Variants in ESCO1 observed in about 807,000 individuals in gnomAD.
ESCO1 encodes N-acetyltransferase ESCO1.
A neutral mutation model predicts 83.5 loss-of-function variants in ESCO1; 33 were observed. The observed-to-expected ratio is 0.40, with a 90% CI of 0.30 to 0.53. The LOEUF (loss-of-function observed/expected upper bound fraction) is 0.53, where lower values mean the gene tolerates loss of function less well. ESCO1 is among the 20% of genes least tolerant of loss of function. The probability of loss-of-function intolerance (pLI) is 0.63; values close to 1 mark genes in which losing one functional copy is unlikely to be tolerated. For missense variants in ESCO1, 855 were observed against 968.0 expected (o/e 0.88, Z 1.55); for synonymous variants, 332 against 324.3 (o/e 1.02, Z -0.25).
At chr18:21,588,099 C>CA (rs200101799) in intron 1 of ESCO1, among the ~76,000 whole-genome samples, 1,277 of 82,416 alleles carry the variant, frequency 0.015, 12 homozygotes, top group African/African-American at 0.051. Context: ...GGATCCATCT[C>CA]AAAAAAAAAA....
chr18:21,530,157 T>C lies in ESCO1; in HGVS notation c.*186A>G. 1 of 419,386 alleles carries C rather than the reference T, an allele frequency of 2.4e-6. No individual in the cohort carries two copies. The allele number at this position is 419,386 out of a possible 1,614,324, so 26.0% of individuals were successfully genotyped here. The stretch of plus-strand genomic sequence containing the variant: ...TTCTGTAAAAGATAATAAAATATCT[T>C]CTTTAAAAAACAAAACAATAAGCTA... On this transcript the variant is annotated 3_prime_UTR_variant, in exon 12 of 12. Coordinates refer to ENST00000269214, the MANE Select transcript of ESCO1 (RefSeq NM_052911.3).
In ESCO1 at chr18:21,574,098, G is replaced by C; in HGVS notation, c.746C>G (p.Ser249Ter). 6.2e-7 allele frequency: 1 copy of C among 1,612,954 alleles called. No homozygotes were observed. The highest frequency in any genetic ancestry group is 8.5e-7 in the Non-Finnish European group (1 of 1,179,966). The change falls in exon 4 of 12, where the codon TCA (serine) becomes TGA (stop). Residue 249 changes from serine (S) to a stop codon, truncating the protein, a stop_gained. Transcript: ENST00000269214. LOFTEE classifies it high-confidence loss of function. ...CGGGACCACTGAAGTAGCCATTTTT[G>C]ATCTTTTCACCTCAGAAGTTACAGG... ...PVPVTSEVKR[S>*]KMATSVVPKK...
chr18:21,543,067 T>A (rs2037927122), intron 8 of ESCO1, among the ~76,000 whole-genome samples: 1 of 152,256 alleles, frequency 6.6e-6, no homozygotes, highest in African/African-American at 2.4e-5. Context: ...AAACCCATTT[T>A]TTCTTACTTC....
At chr18:21,565,903 C>G (rs757108345) in intron 6 of ESCO1, among the ~76,000 whole-genome samples, 7 of 151,892 alleles carry the variant, frequency 4.6e-5, no homozygotes, top group Non-Finnish European at 4.4e-5. Flanking sequence ...TGCACTCCAG[C>G]CTGGGTAAGT....
chr18:21,546,418 G>C (rs2037974478), intron 8 of ESCO1, among the ~76,000 whole-genome samples: 1 of 151,712 alleles, frequency 6.6e-6, no homozygotes, highest in African/African-American at 2.4e-5. Context: ...AAAAACAACA[G>C]AAAACGACTG....
intron 2 of ESCO1, among the ~76,000 whole-genome samples, chr18:21,583,669 T>C (rs1404646733): frequency 6.6e-6 from 1 of 151,644 alleles, no homozygotes; most frequent in Admixed American, 6.6e-5. Context: ...AAAGACATTC[T>C]AGAGAAAGCA....
At chr18:21,594,498 G>A (rs1016561143) in intron 1 of ESCO1, among the ~76,000 whole-genome samples, 4 of 152,162 alleles carry the variant, frequency 2.6e-5, no homozygotes, top group Non-Finnish European at 1.5e-5. Context: ...GAGGTCAGGA[G>A]TTCGAGACCA....
chr18:21,591,642 C>T (rs909759694), intron 1 of ESCO1, among the ~76,000 whole-genome samples: 1 of 150,308 alleles, frequency 6.7e-6, no homozygotes, highest in Non-Finnish European at 1.5e-5. Flanking sequence ...CCAAAGTTCA[C>T]ATGGATCACC....
intron 8 of ESCO1, among the ~76,000 whole-genome samples, chr18:21,549,039 T>C (rs2038011655): frequency 6.6e-6 from 1 of 152,176 alleles, no homozygotes; most frequent in Non-Finnish European, 1.5e-5. Context: ...TTTTAACCAT[T>C]AGCTCCAGTA....
chr18:21,576,817 G>A (rs1335278956), intron 2 of ESCO1, among the ~76,000 whole-genome samples: 4 of 151,906 alleles, frequency 2.6e-5, no homozygotes, highest in South Asian at 4.2e-4. Flanking sequence ...GGTGGATCAC[G>A]AAGTCAGGAG....
intron 8 of ESCO1, among the ~76,000 whole-genome samples, chr18:21,557,109 C>T (rs899471282): frequency 1.3e-5 from 2 of 152,138 alleles, no homozygotes; most frequent in African/African-American, 4.8e-5. Context: ...CTATATATGC[C>T]ATTGAAATAT....
At chr18:21,554,594 C>A (rs553646241) in intron 8 of ESCO1, among the ~76,000 whole-genome samples, 2 of 152,076 alleles carry the variant, frequency 1.3e-5, no homozygotes, top group Non-Finnish European at 2.9e-5. Context: ...TGGTGAAACT[C>A]CATCTCTACT....
At chr18:21,579,413 G>A (rs969386343) in intron 2 of ESCO1, among the ~76,000 whole-genome samples, 5 of 150,918 alleles carry the variant, frequency 3.3e-5, no homozygotes, top group African/African-American at 9.8e-5. Flanking sequence ...AGTGAACTAC[G>A]ATCATACCAC....
At chr18:21,562,970 C>A (rs1188029555) in intron 7 of ESCO1, among the ~76,000 whole-genome samples, 1 of 150,706 alleles carries the variant, frequency 6.6e-6, no homozygotes, top group African/African-American at 2.4e-5. Context: ...CTTCCGAGTT[C>A]AAGGGATTCT....
Position 21,564,311 on chromosome 18 carries a change from T to G in ESCO1, c.1713A>C (p.Thr571=). ...QTSKSSDNRE[T]PRNHSLPKCN... Reference sequence around the variant, plus strand: ...ACTTAGGCAAAGAATGATTTCGTGGTGTCTCCCTTAAAAAAAATAAAATTA... The same window carrying G: ...ACTTAGGCAAAGAATGATTTCGTGGGGTCTCCCTTAAAAAAAATAAAATTA... The change falls in exon 7 of 12, where the codon ACA becomes ACC. Residue 571 remains threonine, a synonymous_variant. Coordinates refer to ENST00000269214, the MANE Select transcript of ESCO1 (RefSeq NM_052911.3). 6.3e-7 allele frequency: 1 copy of G among 1,599,230 alleles called. No individual in the cohort carries two copies. The highest frequency in any genetic ancestry group is 1.3e-5 in the African/African-American group (1 of 74,516).
rs1442889831 is a variant in ESCO1, at chr18:21,575,408, G to T, written c.-565C>A. On this transcript the variant is annotated 5_prime_UTR_variant, in exon 4 of 12. Coordinates refer to ENST00000269214, the MANE Select transcript of ESCO1 (RefSeq NM_052911.3). ...TTCAACAAAATATTCTATTAATATA[G>T]ATTTCCTTTTGTGCTGCCGTTTCTG... The T allele has an allele frequency of 5.0e-6, 2 of 397,866 alleles. No homozygotes were observed. Among genetic ancestry groups the T allele is most frequent in the African/African-American group, 2.1e-5 (1 of 48,550 alleles). The allele number at this position is 397,866 out of a possible 1,614,324, so 24.6% of individuals were successfully genotyped here.
At chr18:21,561,100 T>A in intron 7 of ESCO1, 110 bp from the exon 8 acceptor site, 2 of 1,018,818 alleles carry the variant, frequency 2.0e-6, no homozygotes, top group Non-Finnish European at 2.7e-6. Flanking sequence ...TTAATCTACA[T>A]GAATAACATT....
chr18:21,535,380 ATTT>A (rs377455761), intron 10 of ESCO1, among the ~76,000 whole-genome samples: 12 of 106,290 alleles, frequency 1.1e-4, no homozygotes, highest in Admixed American at 9.2e-4. Context: ...GCGCCTGGCT[ATTT>A]TTTTTTTTCT....
chr18:21,583,839 T>C (rs1028294217), intron 2 of ESCO1, among the ~76,000 whole-genome samples: 2 of 152,162 alleles, frequency 1.3e-5, no homozygotes, highest in African/African-American at 4.8e-5. Flanking sequence ...AATTGTAATT[T>C]TAAGAGAGTA....
Sources: gnomAD v4.1 joint callset for allele counts (sites outside exome capture counted in the v4.1 genomes callset) on GRCh38, gnomAD v4.1.1 for gene constraint, MANE v1.5 for transcripts, NCBI Gene and HGNC (gene_info 2026-07-23, HGNC 2026-07-21) for gene names.